The following PDE8A variants were observed in gnomAD, a reference collection of about 807,000 sequenced individuals.
The protein encoded by PDE8A is phosphodiesterase 8A.
Under a neutral mutation model 105.0 loss-of-function variants are expected in PDE8A, and 59 were observed. The observed-to-expected ratio is 0.56, with a 90% CI of 0.46 to 0.70. The LOEUF (loss-of-function observed/expected upper bound fraction) is 0.70. Among genes scored for constraint, PDE8A ranks in the 30% least tolerant of loss-of-function variants. The pLI is 0.00. For missense variants in PDE8A, 1,014 were observed against 1,045.9 expected, an observed-to-expected ratio of 0.97 and a Z score of 0.42; for synonymous variants, 355 against 371.9, an observed-to-expected ratio of 0.95 and a Z score of 0.52.
At chr15:85,067,790 C>T (rs1419973849) in intron 3 of PDE8A, among the ~76,000 whole-genome samples, 4 of 151,972 alleles carry the variant, frequency 2.6e-5, no homozygotes, top group East Asian at 3.9e-4. Flanking sequence ...GGTTAAAAAC[C>T]GAGGTGACAA....
intron 11 of PDE8A, among the ~76,000 whole-genome samples, chr15:85,103,627 G>A (rs2081901513): frequency 6.6e-6 from 1 of 152,200 alleles, no homozygotes. Context: ...TTATAGATTG[G>A]ACAACAAAGC....
At chr15:85,109,403 G>T (rs536558370) in intron 12 of PDE8A, among the ~76,000 whole-genome samples, 3 of 152,222 alleles carry the variant, frequency 2.0e-5, no homozygotes, top group African/African-American at 4.8e-5. Context: ...AACAGCAGAA[G>T]ATGTCAGTTC....
chr15:85,045,364 C>T (rs369295119), intron 1 of PDE8A, among the ~76,000 whole-genome samples: 1 of 152,250 alleles, frequency 6.6e-6, no homozygotes, highest in East Asian at 1.9e-4. Context: ...CAGATTACGG[C>T]CAGGTTATTT....
intron 1 of PDE8A, among the ~76,000 whole-genome samples, chr15:84,993,179 C>G (rs967257531): frequency 7.9e-5 from 12 of 152,172 alleles, no homozygotes; most frequent in South Asian, 2.1e-4. Flanking sequence ...CGTGGTGGCT[C>G]ATGCCTGTAA....
intron 8 of PDE8A, among the ~76,000 whole-genome samples, chr15:85,091,631 G>A (rs993663364): frequency 6.6e-6 from 1 of 152,168 alleles, no homozygotes; most frequent in Admixed American, 6.5e-5. Context: ...ATTCTGGTAT[G>A]GAAAGAAGAG....
At chr15:85,004,847 C>CTT (rs35818984) in intron 1 of PDE8A, among the ~76,000 whole-genome samples, 6,434 of 140,388 alleles carry the variant, frequency 0.046, 164 homozygotes, top group Non-Finnish European at 0.053. Flanking sequence ...TTTTAATATT[C>CTT]TTTTTTTTTT....
intron 19 of PDE8A, among the ~76,000 whole-genome samples, chr15:85,124,333 C>A (rs1371916729): frequency 6.6e-6 from 1 of 152,142 alleles, no homozygotes; most frequent in Non-Finnish European, 1.5e-5. Flanking sequence ...ATACTAGATT[C>A]ATTGTGTCAT....
At chr15:84,993,408 A>G (rs1433795714) in intron 1 of PDE8A, among the ~76,000 whole-genome samples, 1 of 139,268 alleles carries the variant, frequency 7.2e-6, no homozygotes, top group Non-Finnish European at 1.5e-5. Flanking sequence ...GCGCCACTGC[A>G]GTCCAGCCTG....
intron 1 of PDE8A, among the ~76,000 whole-genome samples, chr15:85,053,794 T>A (rs1195034912): frequency 6.6e-6 from 1 of 152,224 alleles, no homozygotes; most frequent in Non-Finnish European, 1.5e-5. Flanking sequence ...CTTTTCCTAA[T>A]TGAATACCCT....
chr15:85,004,579 C>G (rs184290793), intron 1 of PDE8A, among the ~76,000 whole-genome samples: 67 of 152,320 alleles, frequency 4.4e-4, no homozygotes, highest in African/African-American at 1.5e-3. Context: ...GCAGTAAATC[C>G]ACTCTATCGC....
At chr15:84,996,796 A>G (rs2079984425) in intron 1 of PDE8A, among the ~76,000 whole-genome samples, 1 of 127,854 alleles carries the variant, frequency 7.8e-6, no homozygotes, top group Non-Finnish European at 1.6e-5. Context: ...ACTGCACTCC[A>G]TCCTGGACAA....
chr15:85,096,106 A>G (rs1051450063), intron 8 of PDE8A, among the ~76,000 whole-genome samples: 1 of 151,426 alleles, frequency 6.6e-6, no homozygotes, highest in Admixed American at 6.6e-5. Flanking sequence ...CAATCTCTTG[A>G]CCTCGTGATC....
At chr15:84,984,713 A>C (rs2079774123) in intron 1 of PDE8A, among the ~76,000 whole-genome samples, 1 of 152,178 alleles carries the variant, frequency 6.6e-6, no homozygotes, top group African/African-American at 2.4e-5. Context: ...GTGGACTGTT[A>C]GTATTGTATG....
intron 5 of PDE8A, among the ~76,000 whole-genome samples, chr15:85,077,724 TA>T (rs1213158013): frequency 6.6e-6 from 1 of 152,068 alleles, no homozygotes; most frequent in Non-Finnish European, 1.5e-5. Context: ...ATATGAATTA[TA>T]AAGCAAGTAT....
intron 20 of PDE8A, among the ~76,000 whole-genome samples, chr15:85,126,967 G>A (rs766907365): frequency 5.3e-5 from 8 of 152,160 alleles, no homozygotes; most frequent in Non-Finnish European, 1.0e-4. Context: ...GTTAGCTTTG[G>A]GAGGATCACT....
chr15:85,062,500 A>C, intron 1 of PDE8A: 1 of 152,246 alleles, frequency 6.6e-6, no homozygotes, highest in East Asian at 1.9e-4. Flanking sequence ...ATCTCCTAGA[A>C]GTCTCTTCAA....
intron 13 of PDE8A, 42 bp from the exon 14 acceptor site, chr15:85,113,831 T>C (rs66934208): frequency 0.031 from 47,236 of 1,511,648 alleles, 885 homozygotes; most frequent in African/African-American, 0.053. Flanking sequence ...TCCCACTGTT[T>C]TTAAGGTTAT....
rs61115297 is a variant in PDE8A, at chr15:85,112,267, C to T, written c.1115-1110C>T. Among the ~76,000 whole-genome samples the T allele has an allele frequency of 7.5e-3, 1,138 of 152,184 alleles. 24 individuals are homozygous for T. Among genetic ancestry groups the T allele is most frequent in the East Asian group, 0.057 (294 of 5,182 alleles). On this transcript the variant is annotated intron_variant, in intron 12 of 21. Coordinates refer to ENST00000394553, the MANE Select transcript of PDE8A (RefSeq NM_002605.3). ...GAAATGACTAAATCAGGCTAATTAA[C>T]GTGTATTACCTCATACACTTTCATT...
rs1161158546 is a variant in PDE8A, at chr15:84,982,318, G to A, written c.156G>A (p.Glu52=). The change falls in exon 1 of 22, where the codon GAG becomes GAA. Residue 52 remains glutamate (E), a synonymous_variant. Transcript: ENST00000394553. ...GGACCCGCGGCGCCGGCCTCTTGGAGTCGGAGCTTCGCGACGGCAGCGGCA... is the reference window on the plus strand; with the variant it reads ...GGACCCGCGGCGCCGGCCTCTTGGAATCGGAGCTTCGCGACGGCAGCGGCA... ...LPRTRGAGLL[E]SELRDGSGKK... 1 of 1,335,828 alleles carries A rather than the reference G, an allele frequency of 7.5e-7. No homozygotes were observed. Among genetic ancestry groups the A allele is most frequent in the East Asian group, 3.0e-5 (1 of 32,932 alleles). The allele number at this position is 1,335,828 out of a possible 1,614,324, so 82.7% of individuals were successfully genotyped here. A position where few individuals can be genotyped will look rare whatever the true frequency, so the allele number is the denominator to read the frequency against.
Sources: allele counts gnomAD v4.1 joint callset (sites outside exome capture counted in the v4.1 genomes callset), GRCh38; gene constraint gnomAD v4.1.1; transcripts MANE v1.5; gene names NCBI Gene and HGNC (gene_info 2026-07-23, HGNC 2026-07-21).